The following FANCA variants were observed in gnomAD, a reference collection of about 807,000 sequenced individuals.
FANCA encodes the protein Fanconi anemia group A protein.
Under a neutral mutation model 194.3 loss-of-function variants are expected in FANCA, and 236 were observed. The ratio of observed to expected loss-of-function variants is 1.21; its 90% CI spans 1.09 to 1.35. The LOEUF (loss-of-function observed/expected upper bound fraction) is 1.35, where lower values mean the gene tolerates loss of function less well. Ranked by LOEUF, FANCA falls within the 40% of genes most tolerant of loss-of-function variation. The pLI, the probability that FANCA is intolerant of heterozygous loss-of-function variation, is 0.00. For missense variants in FANCA, 2,628 were observed against 1,813.9 expected, an observed-to-expected ratio of 1.45 and a Z score of -8.15; for synonymous variants, 1,014 against 715.8, an observed-to-expected ratio of 1.42 and a Z score of -6.65.
At chr16:89,742,316 G>A (rs889071987) in intron 37 of FANCA, among the ~76,000 whole-genome samples, 8 of 151,962 alleles carry the variant, frequency 5.3e-5, no homozygotes, top group Admixed American at 2.0e-4. Flanking sequence ...AAATTAGCCG[G>A]GCATGGTGGC....
At chr16:89,800,909 T>C (rs1210129427) in intron 8 of FANCA, among the ~76,000 whole-genome samples, 2 of 151,446 alleles carry the variant, frequency 1.3e-5, no homozygotes, top group Non-Finnish European at 2.9e-5. Context: ...GGCGGGTGTC[T>C]ATAGTCCCAG....
chr16:89,776,188 GAC>G (rs2039499216), intron 20 of FANCA, among the ~76,000 whole-genome samples: 1 of 85,316 alleles, frequency 1.2e-5, no homozygotes, highest in African/African-American at 4.2e-5. Context: ...TTTTTTTTGA[GAC>G]AGAGTCTCCC....
intron 8 of FANCA, among the ~76,000 whole-genome samples, chr16:89,799,887 G>A (rs17232393): frequency 2.7e-4 from 41 of 152,254 alleles, no homozygotes; most frequent in South Asian, 1.7e-3. Flanking sequence ...TCAGCTACTC[G>A]GGAGGCTGAG....
In FANCA at chr16:89,746,672, C is replaced by T; in HGVS notation, c.3425G>A (p.Cys1142Tyr). The T allele has an allele frequency of 1.9e-6, 3 of 1,614,110 alleles. No individual in the cohort carries two copies. Among genetic ancestry groups the T allele is most frequent in the Non-Finnish European group, 2.5e-6 (3 of 1,180,014 alleles). ...AHFFRGLLNA[C>Y]LRSRDPSLMV... ...CAGGGAGGGGTCTCTGCTCCGCAGA[C>T]AGGCGTTCAGGAGGCCCTGCAGGAG... Residue 1142 changes from cysteine (C) to tyrosine (Y), a missense_variant, in exon 35 of 43, where the codon TGT (cysteine) becomes TAT (tyrosine). Physicochemically the swap from Cys to Tyr is radical, Grantham distance 194 (BLOSUM62 -2). Transcript: ENST00000389301.
rs753719658 is a variant in FANCA, at chr16:89,782,914, G to T, written c.1571C>A (p.Ser524Tyr). The change falls in exon 17 of 43, where the codon TCT becomes TAT. Residue 524 changes from serine (S) to tyrosine (Y), a missense_variant. Ser to Tyr is a moderately radical substitution (Grantham distance 144). Coordinates refer to ENST00000389301, the MANE Select transcript of FANCA (RefSeq NM_000135.4). ...AKTRLADLKV[S>Y]IENMGLYEDL... ...CTCGTAGAGTCCCATGTTTTCTATA[G>T]AAACCTTCAGGGAAGACACAGAATG... The T allele has an allele frequency of 2.5e-6, 4 of 1,614,072 alleles. No individual in the cohort carries two copies. The South Asian group carries it at 3.3e-5, about 13-fold the overall frequency.
At chr16:89,745,982 G>T (rs941898468) in intron 35 of FANCA, among the ~76,000 whole-genome samples, 1 of 152,204 alleles carries the variant, frequency 6.6e-6, no homozygotes, top group African/African-American at 2.4e-5. Flanking sequence ...AACATGCCGT[G>T]CTGCGGAGAA....
chr16:89,816,577 C>T lies in FANCA; in HGVS notation c.39G>A (p.Gln13=), dbSNP rs1486155993. The change falls in exon 1 of 43, where the codon CAG becomes CAA. Residue 13 remains glutamine, a synonymous_variant. Transcript: ENST00000389301. The part of the protein sequence containing the change: ...DSWVPNSASG[Q]DPGGRRRAWA... ...AGGCCCTCCGGCGGCCCCCTGGGTC[C>T]TGGCCCGAGGCGGAGTTCGGGACCC... is the stretch of plus-strand genomic sequence containing the variant. 2 of 1,524,686 alleles carry T rather than the reference C, an allele frequency of 1.3e-6. No homozygotes were observed. The highest frequency in any genetic ancestry group is 1.7e-6 in the Non-Finnish European group (2 of 1,144,128). 94.4% of individuals were successfully genotyped at this position (1,524,686 alleles called of 1,614,324 possible). A position where few individuals can be genotyped will look rare whatever the true frequency, so the allele number is the denominator to read the frequency against.
chr16:89,749,113 G>C (rs1005348631), intron 32 of FANCA, among the ~76,000 whole-genome samples: 1 of 152,120 alleles, frequency 6.6e-6, no homozygotes, highest in African/African-American at 2.4e-5. Context: ...ATGACTCCAC[G>C]CTGCTTCTTA....
rs1217316233 is a variant in FANCA at position 89,810,962 on chromosome 16, G to C, written c.393C>G (p.Thr131=). The C allele has an allele frequency of 6.2e-7, 1 of 1,614,050 alleles. No homozygotes were observed. Among genetic ancestry groups the C allele is most frequent in the Non-Finnish European group, 8.5e-7 (1 of 1,180,044 alleles). Residue 131 remains threonine, a synonymous_variant, in exon 4 of 43, where the codon ACC becomes ACG. Coordinates refer to ENST00000389301, the MANE Select transcript of FANCA (RefSeq NM_000135.4). ...VGQICTAPAE[T]SHPVLLTVEQ... ...CCACAGTCAGCAGCACAGGGTGACT[G>C]GTCTCCGCTGGAGCCGTGCAGATCT...
chr16:89,739,296 G>A lies in FANCA; in HGVS notation c.4011-7C>T, dbSNP rs1463777596. On this transcript the variant is annotated splice_region_variant and splice_polypyrimidine_tract_variant and intron_variant, in intron 40 of 42. Transcript: ENST00000389301. ...ATGGAAGTAGGAGAGAAGACTAGAG[G>A]TAAAGACATAGTGACAAATGGCTAC... The A allele has an allele frequency of 5.0e-6, 8 of 1,614,136 alleles. No homozygotes were observed. Among genetic ancestry groups the A allele is most frequent in the East Asian group, 2.2e-5 (1 of 44,894 alleles).
intron 17 of FANCA, among the ~76,000 whole-genome samples, chr16:89,782,577 T>C: frequency 6.6e-6 from 1 of 151,852 alleles, no homozygotes; most frequent in East Asian, 1.9e-4. Context: ...ACCTCTCCAT[T>C]CAACCCCACA....
chr16:89,739,982 C>T lies in FANCA; in HGVS notation c.3934+12G>A, dbSNP rs534548445. On this transcript the variant is annotated intron_variant, in intron 39 of 42. Transcript: ENST00000389301. ...GCCCTCCGCATTTGTGCCTCAGCAG[C>T]GTGTTTCTTACCACTCTCTGTCAAC... is the stretch of plus-strand genomic sequence containing the variant. The T allele has an allele frequency of 1.2e-5, 19 of 1,613,658 alleles. 1 individual carries two copies. The South Asian group carries it at 1.3e-4, about 11-fold the overall frequency.
rs1408277761 is a variant in FANCA, at chr16:89,799,721, T to C, written c.793-83A>G. 3.3e-6 allele frequency: 4 copies of C among 1,221,910 alleles called. No individual in the cohort carries two copies. The Admixed American group carries it at 6.8e-5, about 21-fold the overall frequency. The allele number at this position is 1,221,910 out of a possible 1,614,324, so 75.7% of individuals were successfully genotyped here. A position where few individuals can be genotyped will look rare whatever the true frequency, so the allele number is the denominator to read the frequency against. Reference sequence around the variant, plus strand: ...CTGCATCACACAAGAGAATTATTACTTGTTACTCTAAAGTAAAGAAACGGC... The same window carrying C: ...CTGCATCACACAAGAGAATTATTACCTGTTACTCTAAAGTAAAGAAACGGC... On this transcript the variant is annotated intron_variant, in intron 8 of 42. Coordinates refer to ENST00000389301, the MANE Select transcript of FANCA (RefSeq NM_000135.4).
chr16:89,739,556 G>C lies in FANCA; in HGVS notation c.3935-3C>G, dbSNP rs368999000. ...GAGGAGCCGCCCCAGCCTGAGGTCTGCAACACCAAGAAGTGGCTCAGGCAA... is the reference window on the plus strand; with the variant it reads ...GAGGAGCCGCCCCAGCCTGAGGTCTCCAACACCAAGAAGTGGCTCAGGCAA... On this transcript the variant is annotated splice_region_variant and splice_polypyrimidine_tract_variant and intron_variant, in intron 39 of 42. Coordinates refer to ENST00000389301, the MANE Select transcript of FANCA (RefSeq NM_000135.4). 7.1e-6 allele frequency: 11 copies of C among 1,551,012 alleles called. No individual in the cohort carries two copies. In the African/African-American group the frequency reaches 1.1e-4, roughly 15 times the overall value.
chr16:89,744,814 G>A (rs767178105), intron 36 of FANCA, 145 bp downstream of exon 36: 10 of 771,650 alleles, frequency 1.3e-5, no homozygotes, highest in African/African-American at 3.4e-5. Context: ...CCACCACCAC[G>A]AGAACTCGGT....
At chr16:89,776,609 GGA>G (rs1338938576) in intron 20 of FANCA, among the ~76,000 whole-genome samples, 1 of 151,374 alleles carries the variant, frequency 6.6e-6, no homozygotes, top group Non-Finnish European at 1.5e-5. Context: ...AGGCAGATCA[GGA>G]GGTCAGGAGA....
chr16:89,810,669 G>C (rs528251854), intron 5 of FANCA, 38 bp downstream of exon 5: 2 of 1,320,934 alleles, frequency 1.5e-6, no homozygotes, highest in African/African-American at 2.9e-5. Flanking sequence ...AACATTGCCT[G>C]GAACACTGGA....
intron 36 of FANCA, among the ~76,000 whole-genome samples, chr16:89,744,304 G>A (rs760307262): frequency 2.0e-5 from 3 of 152,208 alleles, no homozygotes; most frequent in African/African-American, 7.2e-5. Context: ...AAGGAGGCAG[G>A]ATGGGTACTA....
In FANCA at chr16:89,816,583, C is replaced by A; in HGVS notation, c.33G>T (p.Ser11=). 1.3e-6 allele frequency: 2 copies of A among 1,525,660 alleles called. No homozygotes were observed. Among genetic ancestry groups the A allele is most frequent in the Admixed American group, 2.0e-5 (1 of 50,820 alleles). The allele number at this position is 1,525,660 out of a possible 1,614,324, so 94.5% of individuals were successfully genotyped here. MSDSWVPNSA[S]GQDPGGRRRA... Reference sequence around the variant, plus strand: ...TCCGGCGGCCCCCTGGGTCCTGGCCCGAGGCGGAGTTCGGGACCCACGAGT... The same window carrying A: ...TCCGGCGGCCCCCTGGGTCCTGGCCAGAGGCGGAGTTCGGGACCCACGAGT... The change falls in exon 1 of 43, where the codon TCG becomes TCT. Residue 11 remains serine (S), a synonymous_variant. Transcript: ENST00000389301.
Sources: gnomAD v4.1 joint callset for allele counts (sites outside exome capture counted in the v4.1 genomes callset) on GRCh38, gnomAD v4.1.1 for gene constraint, MANE v1.5 for transcripts, NCBI Gene and HGNC (gene_info 2026-07-23, HGNC 2026-07-21) for gene names.